PTGES3L: variants seen among roughly 807,000 people sequenced by gnomAD.
The protein encoded by PTGES3L is putative protein PTGES3L.
In PTGES3L, 17 loss-of-function variants were observed where a neutral mutation model predicts 25.0. The observed-to-expected ratio is 0.68, with a 90% confidence interval of 0.47 to 1.02. The LOEUF (loss-of-function observed/expected upper bound fraction) is 1.02. PTGES3L is among the 50% of genes least tolerant of loss of function. The pLI is 0.00. For synonymous variants in PTGES3L, 59 were observed against 65.7 expected, an observed-to-expected ratio of 0.90 and a Z score of 0.50; for missense variants, 202 against 197.5, an observed-to-expected ratio of 1.02 and a Z score of -0.14.
At position 42,979,454 on chromosome 17, in the gene PTGES3L, C is replaced by T; in HGVS notation, c.123-10G>A. 1 of 1,614,136 alleles carries T rather than the reference C, an allele frequency of 6.2e-7. No homozygotes were observed. The highest frequency in any genetic ancestry group is 8.5e-7 in the Non-Finnish European group (1 of 1,180,032). On this transcript the variant is annotated splice_polypyrimidine_tract_variant and intron_variant, in intron 2 of 6. Transcript: ENST00000591916. ...ATCGGCATTCTTGCAGCTGAGGAGA[C>T]AATGAAGCTGAGGAGATGCGGAATA...
chr17:42,974,857 G>A (rs906839818), intron 4 of PTGES3L, among the ~76,000 whole-genome samples: 2 of 151,718 alleles, frequency 1.3e-5, no homozygotes, highest in South Asian at 4.2e-4. Context: ...TGTTCTGGCC[G>A]GGCGCAGTGG....
chr17:42,970,081 C>T (rs1032267534), intron 6 of PTGES3L, among the ~76,000 whole-genome samples: 2 of 152,074 alleles, frequency 1.3e-5, no homozygotes, highest in South Asian at 4.1e-4. Context: ...GAGCCAAGAT[C>T]GGGCCACTGC....
intron 1 of PTGES3L, 64 bp downstream of exon 1, chr17:42,979,982 G>T: frequency 6.6e-7 from 1 of 1,504,394 alleles, no homozygotes. Context: ...GCGCCCAGAA[G>T]ACTTGGAGCA....
At chr17:42,972,658 A>T (rs958564142) in intron 4 of PTGES3L, among the ~76,000 whole-genome samples, 34 of 152,090 alleles carry the variant, frequency 2.2e-4, no homozygotes, top group African/African-American at 8.2e-4. Context: ...CAGTGGCATG[A>T]TCTCGGCTCG....
Position 42,968,161 on chromosome 17 carries a change from A to G in PTGES3L, c.*987T>C, listed in dbSNP as rs2151946066. ...GTCAACTGTACATATTAGGCACTCA[A>G]AAAAGTTTATGGACAAATAGAATAG... On this transcript the variant is annotated 3_prime_UTR_variant, in exon 7 of 7. Coordinates refer to ENST00000591916, the MANE Select transcript of PTGES3L (RefSeq NM_001261430.2). The G allele has an allele frequency of 6.6e-6, 1 of 152,344 alleles. No individual in the cohort carries two copies. Among genetic ancestry groups the G allele is most frequent in the South Asian group, 2.1e-4 (1 of 4,828 alleles). The allele number at this position is 152,344 out of a possible 1,614,324, so 9.4% of individuals were successfully genotyped here. A position where few individuals can be genotyped will look rare whatever the true frequency, so the allele number is the denominator to read the frequency against.
In PTGES3L at chr17:42,969,188, TGG is replaced by T. The variant is rs747833167; in HGVS notation, c.433-4_433-3del. 1.1e-3 allele frequency: 1,137 copies of T among 1,012,002 alleles called. 16 individuals carry two copies. Among genetic ancestry groups the T allele is most frequent in the East Asian group, 7.9e-3 (195 of 24,548 alleles). 62.7% of individuals were successfully genotyped at this position (1,012,002 alleles called of 1,614,324 possible). ...ATCATCAGCACTGTCAGAATCATCCTGGGGGCGGGGGGGAAAAAAGACAAAGC... is the reference window on the plus strand; with the variant it reads ...ATCATCAGCACTGTCAGAATCATCCTGGGCGGGGGGGAAAAAAGACAAAGC... On this transcript the variant is annotated splice_polypyrimidine_tract_variant and splice_region_variant and intron_variant, in intron 6 of 6. Transcript: ENST00000591916.
chr17:42,980,047 G>A lies in PTGES3L; in HGVS notation c.7C>T (p.Arg3Trp), dbSNP rs111236335. MA[R>W]QHARTLWYDR... is the part of the protein sequence containing the mutation. ...AGCACCGGAGCCGGAAACACTCACC[G>A]TGCCATTGCGGCTCCCGCTCCAGGG... The change falls in exon 1 of 7, where the codon CGG becomes TGG. Residue 3 changes from arginine to tryptophan, a missense_variant and splice_region_variant. Transcript: ENST00000591916. The A allele has an allele frequency of 5.6e-5, 87 of 1,550,486 alleles. 1 individual carries two copies. In the African/African-American group the frequency reaches 7.4e-4, roughly 13 times the overall value.
chr17:42,979,142 A>C (rs771348489), intron 4 of PTGES3L, 28 bp downstream of exon 4: 5 of 1,613,468 alleles, frequency 3.1e-6, no homozygotes, highest in Admixed American at 1.7e-5. Flanking sequence ...CATGGAGAGA[A>C]GAAGCAGGCC....
intron 6 of PTGES3L, 84 bp from the exon 7 acceptor site, chr17:42,969,270 C>T (rs2049790343): frequency 2.5e-6 from 2 of 792,094 alleles, no homozygotes; most frequent in Non-Finnish European, 3.9e-6. Flanking sequence ...TGCTTCCTCT[C>T]TCCTGTTCTC....
At position 42,979,408 on chromosome 17, in the gene PTGES3L, C is replaced by T. The variant is rs774216617; in HGVS notation, c.159G>A (p.Glu53=). 1.9e-6 allele frequency: 3 copies of T among 1,614,040 alleles called. No homozygotes were observed. Among genetic ancestry groups the T allele is most frequent in the Non-Finnish European group, 8.5e-7 (1 of 1,180,044 alleles). Residue 53 remains glutamate, a synonymous_variant, in exon 3 of 7, where the codon GAG becomes GAA. Transcript: ENST00000591916. ...KNADGVELYN[E]IEFYAKVNSK... ...AGTTCACTTTGGCATAGAACTCAAT[C>T]TCATTGTACAACTCCACTCCATCGG... is the stretch of plus-strand genomic sequence containing the variant.
chr17:42,979,326 C>G, intron 3 of PTGES3L, 52 bp downstream of exon 3: 1 of 1,614,174 alleles, frequency 6.2e-7, no homozygotes, highest in South Asian at 1.1e-5. Flanking sequence ...TCTCCAGTTT[C>G]CCTGGGCAGC....
chr17:42,968,941 C>T lies in PTGES3L; in HGVS notation c.*207G>A. On this transcript the variant is annotated 3_prime_UTR_variant, in exon 7 of 7. Coordinates refer to ENST00000591916, the MANE Select transcript of PTGES3L (RefSeq NM_001261430.2). ...GCCCTACCAGTCTACCCCTCCCCGACCCTGCATCTGATGTGGAGCCATAGT... is the reference window on the plus strand; with the variant it reads ...GCCCTACCAGTCTACCCCTCCCCGATCCTGCATCTGATGTGGAGCCATAGT... The T allele has an allele frequency of 2.0e-6, 1 of 509,322 alleles. No homozygotes were observed. The highest frequency in any genetic ancestry group is 2.9e-5 in the East Asian group (1 of 34,248). The allele number at this position is 509,322 out of a possible 1,614,324, so 31.6% of individuals were successfully genotyped here.
intron 4 of PTGES3L, among the ~76,000 whole-genome samples, chr17:42,977,692 A>AAAAG (rs57809818): frequency 0.41 from 55,532 of 135,998 alleles, 12,513 homozygotes; most frequent in African/African-American, 0.56. Context: ...AGAAAGAAAG[A>AAAAG]AAAGAAAGAA....
chr17:42,970,713 C>G (rs1428800060), intron 5 of PTGES3L, among the ~76,000 whole-genome samples: 1 of 124,670 alleles, frequency 8.0e-6, no homozygotes, highest in Non-Finnish European at 1.8e-5. Flanking sequence ...CACACACACA[C>G]ACACAGAGGC....
intron 4 of PTGES3L, among the ~76,000 whole-genome samples, chr17:42,976,359 T>A (rs1043316850): frequency 2.0e-4 from 30 of 152,156 alleles, no homozygotes; most frequent in Non-Finnish European, 1.3e-4. Context: ...AAAAATTTTT[T>A]AATGTCAGTA....
At chr17:42,972,634 C>T (rs2049866168) in intron 4 of PTGES3L, among the ~76,000 whole-genome samples, 1 of 152,134 alleles carries the variant, frequency 6.6e-6, no homozygotes, top group Non-Finnish European at 1.5e-5. Flanking sequence ...CTCAATGGTG[C>T]CCAGGCTGGA....
At chr17:42,970,176 G>T (rs1400879169) in intron 6 of PTGES3L, 113 bp downstream of exon 6, 1 of 1,297,758 alleles carries the variant, frequency 7.7e-7, no homozygotes, top group Non-Finnish European at 1.1e-6. Flanking sequence ...CTCAAATTTG[G>T]TTAACAGGCA....
rs543508996 is a variant in PTGES3L at position 42,979,566 on chromosome 17, G to T, written c.106C>A (p.His36Asn). 1.2e-6 allele frequency: 2 copies of T among 1,614,146 alleles called. No homozygotes were observed. The highest frequency in any genetic ancestry group is 4.5e-5 in the East Asian group (2 of 44,888). ...GGCCACTACCTGAACACAATGCGGT[G>T]ATCCTCAATAAGCACGTGGACATCG... Reference protein sequence around the residue: ...STDVHVLIEDHRIVFSCKNAD... With the variant: ...STDVHVLIEDNRIVFSCKNAD... The change falls in exon 2 of 7, where the codon CAC (histidine) becomes AAC (asparagine). Residue 36 changes from histidine (H) to asparagine (N), a missense_variant. Transcript: ENST00000591916.
rs992347548 is a variant in PTGES3L at position 42,979,057 on chromosome 17, AT to A, written c.288+112del. On this transcript the variant is annotated intron_variant, in intron 4 of 6. Transcript: ENST00000591916. ...AGACTAATACAGTTGGAAAAAAAAG[AT>A]TAGGCAGGACTTGTTGAGTGATTGA... is the stretch of plus-strand genomic sequence containing the variant. 4.4e-5 allele frequency: 47 copies of A among 1,069,368 alleles called. 1 individual carries two copies. The highest frequency in any genetic ancestry group is 2.1e-5 in the Non-Finnish European group (15 of 705,838). 66.2% of individuals were successfully genotyped at this position (1,069,368 alleles called of 1,614,324 possible).
Sources: allele counts gnomAD v4.1 joint callset (sites outside exome capture counted in the v4.1 genomes callset), GRCh38; gene constraint gnomAD v4.1.1; transcripts MANE v1.5; gene names NCBI Gene and HGNC (gene_info 2026-07-23, HGNC 2026-07-21).